The following CACNA2D4 variants were observed in gnomAD, a reference collection of about 807,000 sequenced individuals.
The protein encoded by CACNA2D4 is calcium voltage-gated channel auxiliary subunit alpha2delta 4.
Under a neutral mutation model 163.8 loss-of-function variants are expected in CACNA2D4, and 157 were observed. That is an observed-to-expected ratio of 0.96 (90% CI 0.84 to 1.09). CACNA2D4 has a LOEUF of 1.09. Among genes scored for constraint, CACNA2D4 ranks in the 50% least tolerant of loss-of-function variants. The pLI is 0.00. For missense variants in CACNA2D4, 1,410 were observed against 1,479.9 expected (o/e 0.95, Z 0.78); for synonymous variants, 598 against 586.9 (o/e 1.02, Z -0.27).
At chr12:1,839,010 A>G (rs781220097) in intron 26 of CACNA2D4, among the ~76,000 whole-genome samples, 8 of 152,174 alleles carry the variant, frequency 5.3e-5, no homozygotes, top group Non-Finnish European at 8.8e-5. Context: ...TACCCGGGCA[A>G]TTTGGCAATG....
intron 29 of CACNA2D4, among the ~76,000 whole-genome samples, chr12:1,807,664 C>G (rs1863584609): frequency 6.6e-6 from 1 of 152,096 alleles, no homozygotes; most frequent in South Asian, 2.1e-4. Context: ...CAGTTCTCCA[C>G]ACGGTTACCC....
At chr12:1,797,630 C>A in intron 34 of CACNA2D4, 95 bp from the exon 35 acceptor site, 1 of 901,968 alleles carries the variant, frequency 1.1e-6, no homozygotes, top group Non-Finnish European at 1.7e-6. Context: ...CACCCCAGTG[C>A]ATTTGCAGAG....
intron 26 of CACNA2D4, among the ~76,000 whole-genome samples, chr12:1,819,585 C>T (rs904168862): frequency 1.5e-4 from 23 of 152,158 alleles, no homozygotes; most frequent in Non-Finnish European, 2.6e-4. Flanking sequence ...ATTTAGGGTT[C>T]GTGCTCCAGG....
intron 6 of CACNA2D4, among the ~76,000 whole-genome samples, chr12:1,897,766 C>T (rs1375217851): frequency 1.3e-5 from 2 of 152,094 alleles, no homozygotes; most frequent in African/African-American, 4.8e-5. Context: ...AGACAAAATA[C>T]ACATTAAAAT....
Position 1,909,938 on chromosome 12 carries a change from C to G in CACNA2D4, c.454G>C (p.Asp152His), listed in dbSNP as rs755538838. 6.2e-7 allele frequency: 1 copy of G among 1,613,746 alleles called. No homozygotes were observed. Among genetic ancestry groups the G allele is most frequent in the Non-Finnish European group, 8.5e-7 (1 of 1,179,780 alleles). Residue 152 changes from aspartate (D) to histidine (H), a missense_variant, in exon 4 of 38, where the codon GAC becomes CAC. By Grantham distance (81) the Asp-to-His change is moderately conservative. Transcript: ENST00000382722. ...QNLVEAAEEA[D>H]LNHEFNESLV... Reference sequence around the variant, plus strand: ...GATTCATTGAATTCGTGGTTCAGGTCGGCCTCCTCGGCAGCTTCCACCAGA... The same window carrying G: ...GATTCATTGAATTCGTGGTTCAGGTGGGCCTCCTCGGCAGCTTCCACCAGA...
rs184186645 is a variant in CACNA2D4, at chr12:1,850,606, T to A, written c.2246+3345A>T. ...TAGAAACATATTTTTTTCTTTTTTT[T>A]AAAAAAAGATGAGGTTGGCCAGGCG... On this transcript the variant is annotated intron_variant, in intron 23 of 37. Transcript: ENST00000382722. Among the ~76,000 whole-genome samples, 801 of 152,140 alleles carry A rather than the reference T, an allele frequency of 5.3e-3. 5 individuals are homozygous for A. Among genetic ancestry groups the A allele is most frequent in the African/African-American group, 0.017 (723 of 41,488 alleles).
intron 23 of CACNA2D4, among the ~76,000 whole-genome samples, chr12:1,848,194 A>T (rs1865194484): frequency 6.6e-6 from 1 of 152,234 alleles, no homozygotes; most frequent in Non-Finnish European, 1.5e-5. Context: ...AACCATTAGC[A>T]GTCATCTTTG....
Position 1,853,968 on chromosome 12 carries a change from C to T in CACNA2D4, c.2229G>A (p.Leu743=), listed in dbSNP as rs535128411. 14 of 1,613,256 alleles carry T rather than the reference C, an allele frequency of 8.7e-6. No homozygotes were observed. The highest frequency in any genetic ancestry group is 1.2e-5 in the Non-Finnish European group (14 of 1,179,600). Residue 743 remains leucine (L), a synonymous_variant, in exon 23 of 38, where the codon CTG becomes CTA. Coordinates refer to ENST00000382722, the MANE Select transcript of CACNA2D4 (RefSeq NM_172364.5). ...GGACCTACTCGGACATGTTGAGGGC[C>T]AGCGCTGTCCAGTAGGCTTCCATGG... ...TAPMEAYWTA[L]ALNMSEESEH... is the part of the protein sequence containing the mutation.
intron 26 of CACNA2D4, among the ~76,000 whole-genome samples, chr12:1,817,050 C>A (rs1367359127): frequency 6.6e-6 from 1 of 152,254 alleles, no homozygotes; most frequent in Non-Finnish European, 1.5e-5. Flanking sequence ...TTTCCTCCTC[C>A]TCTGTCTTGA....
At chr12:1,910,033 A>T in intron 3 of CACNA2D4, 68 bp from the exon 4 acceptor site, 2 of 1,349,116 alleles carry the variant, frequency 1.5e-6, no homozygotes, top group Non-Finnish European at 2.1e-6. Flanking sequence ...CAGCAAGTGA[A>T]ACAGTTGCCG....
At chr12:1,800,276 TG>T in intron 32 of CACNA2D4, 109 bp downstream of exon 32, 1 of 1,222,832 alleles carries the variant, frequency 8.2e-7, no homozygotes, top group Non-Finnish European at 1.2e-6. Context: ...CCCCGGGGTC[TG>T]GTAGCAAGTG....
chr12:1,896,494 C>A (rs1405797102), intron 6 of CACNA2D4, among the ~76,000 whole-genome samples: 2 of 151,996 alleles, frequency 1.3e-5, no homozygotes, highest in African/African-American at 2.4e-5. Context: ...AGAAGACATA[C>A]AAATGGCCAA....
chr12:1,803,567 A>G lies in CACNA2D4; in HGVS notation c.2722-1923T>C, dbSNP rs192884216. On this transcript the variant is annotated intron_variant, in intron 29 of 37. Transcript: ENST00000382722. ...TGACTTATAAAATTAAAACGTAAGG[A>G]TGCAACCCACTAAAAATGCATGGCA... Among the ~76,000 whole-genome samples the G allele has an allele frequency of 2.4e-4, 36 of 152,334 alleles. No individual in the cohort carries two copies. The South Asian group carries it at 2.7e-3, about 11-fold the overall frequency.
At position 1,833,551 on chromosome 12, in the gene CACNA2D4, G is replaced by A. The variant is rs1215972287; in HGVS notation, c.2551+7188C>T. ...CAGCCTCCTCTCCTTGGCCTCGTGT[G>A]CCTCCAGGATTCCCCCTCCAGATGC... On this transcript the variant is annotated intron_variant, in intron 26 of 37. Coordinates refer to ENST00000382722, the MANE Select transcript of CACNA2D4 (RefSeq NM_172364.5). The surrounding 1 kb of genome is among the most constrained non-coding windows in gnomAD (Gnocchi z 4.2). Among the ~76,000 whole-genome samples, 2 of 152,168 alleles carry A rather than the reference G, an allele frequency of 1.3e-5. No individual in the cohort carries two copies. The highest frequency in any genetic ancestry group is 6.5e-5 in the Admixed American group (1 of 15,282).
Position 1,802,148 on chromosome 12 carries a change from G to T in CACNA2D4, c.2722-504C>A, listed in dbSNP as rs1484867089. Among the ~76,000 whole-genome samples the T allele has an allele frequency of 1.3e-5, 2 of 152,028 alleles. No homozygotes were observed. The highest frequency in any genetic ancestry group is 4.8e-5 in the African/African-American group (2 of 41,394). ...GCTGGTGTCCTCATCTTCCCAGTGT[G>T]AGAGGGCTGCTGTGGCTTTTGCTGT... is the stretch of plus-strand genomic sequence containing the variant. On this transcript the variant is annotated intron_variant, in intron 29 of 37. Coordinates refer to ENST00000382722, the MANE Select transcript of CACNA2D4 (RefSeq NM_172364.5). The surrounding 1 kb of genome is among the most constrained non-coding windows in gnomAD (Gnocchi z 4.7).
Position 1,801,061 on chromosome 12 carries a change from T to C in CACNA2D4, c.2850A>G (p.Ala950=), listed in dbSNP as rs1462444925. The C allele has an allele frequency of 6.2e-7, 1 of 1,613,282 alleles. No individual in the cohort carries two copies. The highest frequency in any genetic ancestry group is 8.5e-7 in the Non-Finnish European group (1 of 1,179,830). ...MCKPSSHHHS[A]AQPLVSPISA... Reference sequence around the variant, plus strand: ...CACTCACGCTGACCAGGGGCTGGGCTGCACTGTGGTGGTGACTCGAGGGTT... The same window carrying C: ...CACTCACGCTGACCAGGGGCTGGGCCGCACTGTGGTGGTGACTCGAGGGTT... The change falls in exon 31 of 38, where the codon GCA becomes GCG. Residue 950 remains alanine, a synonymous_variant. Coordinates refer to ENST00000382722, the MANE Select transcript of CACNA2D4 (RefSeq NM_172364.5).
At chr12:1,837,577 C>T (rs571613914) in intron 26 of CACNA2D4, among the ~76,000 whole-genome samples, 7 of 152,242 alleles carry the variant, frequency 4.6e-5, no homozygotes, top group Admixed American at 6.5e-5. Flanking sequence ...GAGGCCAAGG[C>T]GGAATTTTCT....
rs756572869 is a variant in CACNA2D4 at position 1,795,291 on chromosome 12, A to C, written c.3309+8T>G. The C allele has an allele frequency of 6.2e-7, 1 of 1,612,854 alleles. No individual in the cohort carries two copies. The highest frequency in any genetic ancestry group is 8.5e-7 in the Non-Finnish European group (1 of 1,179,702). ...TCCAGCCCACCCTCGATCCGCCTCA[A>C]CCCGCACCTCTGGATGGAAGGCGTG... On this transcript the variant is annotated splice_region_variant and intron_variant, in intron 37 of 37. Transcript: ENST00000382722.
Position 1,795,298 on chromosome 12 carries a change from C to T in CACNA2D4, c.3309+1G>A. The T allele has an allele frequency of 1.2e-6, 2 of 1,613,238 alleles. No homozygotes were observed. Among genetic ancestry groups the T allele is most frequent in the African/African-American group, 1.3e-5 (1 of 75,044 alleles). On this transcript the variant is annotated splice_donor_variant, in intron 37 of 37. Coordinates refer to ENST00000382722, the MANE Select transcript of CACNA2D4 (RefSeq NM_172364.5). LOFTEE classifies it high-confidence loss of function. ...CACCCTCGATCCGCCTCAACCCGCACCTCTGGATGGAAGGCGTGGCAGGAG... is the reference window on the plus strand; with the variant it reads ...CACCCTCGATCCGCCTCAACCCGCATCTCTGGATGGAAGGCGTGGCAGGAG...
Sources: allele counts gnomAD v4.1 joint callset (sites outside exome capture counted in the v4.1 genomes callset), GRCh38; gene constraint gnomAD v4.1.1; non-coding constraint Gnocchi (gnomAD v3.1); transcripts MANE v1.5; gene names NCBI Gene and HGNC (gene_info 2026-07-23, HGNC 2026-07-21).